The following EPHA5 variants were observed in gnomAD, a reference collection of about 807,000 sequenced individuals.
EPHA5 encodes the protein ephrin type-A receptor 5.
Under a neutral mutation model 105.0 loss-of-function variants are expected in EPHA5, and 60 were observed. That is an observed-to-expected ratio of 0.57 (90% CI 0.46 to 0.71). The LOEUF (loss-of-function observed/expected upper bound fraction) is 0.71. EPHA5 is among the 30% of genes least tolerant of loss of function. EPHA5 has a pLI of 0.00. For synonymous variants in EPHA5, 513 were observed against 449.1 expected (o/e 1.14, Z -1.80); for missense variants, 1,218 against 1,274.7 (o/e 0.96, Z 0.68).
chr4:65,462,304 A>G (rs187944949), intron 5 of EPHA5, among the ~76,000 whole-genome samples: 1 of 152,146 alleles, frequency 6.6e-6, no homozygotes, highest in Non-Finnish European at 1.5e-5. Context: ...TGATAGAATA[A>G]TTTTTATTTT....
intron 3 of EPHA5, among the ~76,000 whole-genome samples, chr4:65,541,440 G>A (rs923927245): frequency 1.3e-5 from 2 of 151,726 alleles, no homozygotes; most frequent in Non-Finnish European, 2.9e-5. Context: ...AAAAAAGCAG[G>A]GGCTGCAATC....
intron 1 of EPHA5, among the ~76,000 whole-genome samples, chr4:65,655,143 C>T (rs1198975697): frequency 6.6e-6 from 1 of 151,678 alleles, no homozygotes; most frequent in African/African-American, 2.4e-5. Flanking sequence ...ATCCTTAGAA[C>T]ACTTTCATAT....
chr4:65,657,730 CT>C (rs1749194595), intron 1 of EPHA5, among the ~76,000 whole-genome samples: 1 of 151,882 alleles, frequency 6.6e-6, no homozygotes, highest in Non-Finnish European at 1.5e-5. Context: ...ACAGCAGTGA[CT>C]TTAAAGAAAC....
At position 65,536,388 on chromosome 4, in the gene EPHA5, C is replaced by A. The variant is rs540395964; in HGVS notation, c.911-40845G>T. 6.6e-5 allele frequency among the ~76,000 whole-genome samples: 10 copies of A among 151,926 alleles called. No homozygotes were observed. In the East Asian group the frequency reaches 1.7e-3, roughly 26 times the overall value. On this transcript the variant is annotated intron_variant, in intron 3 of 16. Transcript: ENST00000613740. ...CATTTAACAATGTGTTATAGGAAAGCAAATTCTTATTTTCTTAACAGAGAG... is the reference window on the plus strand; with the variant it reads ...CATTTAACAATGTGTTATAGGAAAGAAAATTCTTATTTTCTTAACAGAGAG...
chr4:65,485,914 C>T (rs1463854861), intron 5 of EPHA5, among the ~76,000 whole-genome samples: 3 of 152,124 alleles, frequency 2.0e-5, no homozygotes, highest in African/African-American at 7.2e-5. Flanking sequence ...GGGAGGGACT[C>T]TCACTGAAAT....
intron 3 of EPHA5, among the ~76,000 whole-genome samples, chr4:65,544,140 C>G (rs961778654): frequency 4.6e-5 from 7 of 151,998 alleles, no homozygotes; most frequent in Admixed American, 4.6e-4. Context: ...AAACCCTAGG[C>G]AATACCATTC....
chr4:65,619,942 T>C (rs986189468), intron 2 of EPHA5, among the ~76,000 whole-genome samples: 1 of 150,992 alleles, frequency 6.6e-6, no homozygotes, highest in Non-Finnish European at 1.5e-5. Flanking sequence ...TATTATAAAG[T>C]TTCTCCTTTT....
Position 65,322,250 on chromosome 4 carries a change from A to G in EPHA5, c.*1864T>C, listed in dbSNP as rs1719695368. On this transcript the variant is annotated 3_prime_UTR_variant, in exon 17 of 17. Coordinates refer to ENST00000613740, the MANE Select transcript of EPHA5 (RefSeq NM_001281766.3). ...TTTTGATGTTTCCTGGTTCTTTAGA[A>G]AAGAGGTACTTTACTGCTTAAGTAA... 4.5e-6 allele frequency: 1 copy of G among 223,836 alleles called. No individual in the cohort carries two copies. The allele number at this position is 223,836 out of a possible 1,614,324, so 13.9% of individuals were successfully genotyped here.
At chr4:65,519,506 T>C (rs1386029952) in intron 3 of EPHA5, among the ~76,000 whole-genome samples, 1 of 152,160 alleles carries the variant, frequency 6.6e-6, no homozygotes, top group Admixed American at 6.6e-5. Flanking sequence ...CTCTTCAACA[T>C]AGTGTTGGAA....
intron 11 of EPHA5, among the ~76,000 whole-genome samples, chr4:65,354,133 C>T (rs973920510): frequency 6.6e-6 from 1 of 151,644 alleles, no homozygotes; most frequent in Non-Finnish European, 1.5e-5. Context: ...AGGGTTGTTG[C>T]GAGTATCTGC....
At chr4:65,394,978 T>G (rs542237642) in intron 8 of EPHA5, among the ~76,000 whole-genome samples, 1 of 152,332 alleles carries the variant, frequency 6.6e-6, no homozygotes, top group East Asian at 1.9e-4. Context: ...TGATATCAGA[T>G]GTAGTCAGAG....
At position 65,637,583 on chromosome 4, in the gene EPHA5, T is replaced by TA. The variant is rs1336431882; in HGVS notation, c.246+5779dup. ...TATGAGTTTTGCATATATATATATA[T>TA]ATATATATATATATACGTATATGCT... On this transcript the variant is annotated intron_variant, in intron 2 of 16. Transcript: ENST00000613740. 2.1e-5 allele frequency among the ~76,000 whole-genome samples: 3 copies of TA among 145,036 alleles called. No homozygotes were observed. In the South Asian group the frequency reaches 6.5e-4, roughly 31 times the overall value.
intron 8 of EPHA5, among the ~76,000 whole-genome samples, chr4:65,391,911 T>C (rs995948699): frequency 2.0e-5 from 3 of 152,192 alleles, no homozygotes; most frequent in African/African-American, 7.2e-5. Flanking sequence ...ATTAACTTGT[T>C]GTTTCCAGTA....
chr4:65,381,393 T>C (rs1423779281), intron 8 of EPHA5, among the ~76,000 whole-genome samples: 1 of 151,800 alleles, frequency 6.6e-6, no homozygotes, highest in African/African-American at 2.4e-5. Context: ...AAATGTTACA[T>C]TCATTGCATT....
At chr4:65,618,608 C>T (rs1048118089) in intron 2 of EPHA5, among the ~76,000 whole-genome samples, 1 of 152,130 alleles carries the variant, frequency 6.6e-6, no homozygotes, top group African/African-American at 2.4e-5. Context: ...CTTTATACAA[C>T]CTTATTGCTG....
chr4:65,490,825 T>C, intron 4 of EPHA5, 113 bp from the exon 5 acceptor site: 1 of 1,102,664 alleles, frequency 9.1e-7, no homozygotes, highest in South Asian at 1.6e-5. Context: ...ATAAGTCCTT[T>C]AAGTCATAAT....
At chr4:65,547,491 A>AT (rs1025996849) in intron 3 of EPHA5, among the ~76,000 whole-genome samples, 4 of 151,380 alleles carry the variant, frequency 2.6e-5, no homozygotes, top group South Asian at 2.1e-4. Context: ...ATGCATTTTT[A>AT]TTTTTTTTCC....
intron 2 of EPHA5, among the ~76,000 whole-genome samples, chr4:65,620,816 C>T (rs371827258): frequency 2.6e-5 from 4 of 152,094 alleles, no homozygotes; most frequent in Non-Finnish European, 5.9e-5. Context: ...AGAAAACATC[C>T]GGTAACTTAA....
At chr4:65,475,979 C>T (rs1729757590) in intron 5 of EPHA5, among the ~76,000 whole-genome samples, 1 of 151,958 alleles carries the variant, frequency 6.6e-6, no homozygotes, top group Admixed American at 6.6e-5. Context: ...CATCAAACAA[C>T]CCTGATTAAG....
Sources: gnomAD v4.1 joint callset for allele counts (sites outside exome capture counted in the v4.1 genomes callset) on GRCh38, gnomAD v4.1.1 for gene constraint, MANE v1.5 for transcripts, NCBI Gene and HGNC (gene_info 2026-07-23, HGNC 2026-07-21) for gene names.